EXD3: variants seen among roughly 807,000 people sequenced by gnomAD.
EXD3 encodes exonuclease mut-7 homolog.
A neutral mutation model predicts 98.0 loss-of-function variants in EXD3; 92 were observed. The ratio of observed to expected loss-of-function variants is 0.94; its 90% CI spans 0.79 to 1.12. EXD3 has a LOEUF of 1.12. EXD3 is among the 50% of genes most tolerant of loss of function. The probability of loss-of-function intolerance (pLI) is 0.00; values close to 1 mark genes in which losing one functional copy is unlikely to be tolerated. For synonymous variants in EXD3, 569 were observed against 526.0 expected, an observed-to-expected ratio of 1.08 and a Z score of -1.12; for missense variants, 1,222 against 1,191.6, an observed-to-expected ratio of 1.03 and a Z score of -0.38.
intron 17 of EXD3, among the ~76,000 whole-genome samples, chr9:137,339,288 T>C (rs1405881094): frequency 6.6e-6 from 1 of 152,014 alleles, no homozygotes; most frequent in Non-Finnish European, 1.5e-5. Flanking sequence ...CTTCCCAATG[T>C]ATTTATGAGG....
intron 1 of EXD3, among the ~76,000 whole-genome samples, chr9:137,404,633 G>A (rs751304164): frequency 1.9e-4 from 29 of 152,336 alleles, no homozygotes; most frequent in African/African-American, 4.8e-4. Flanking sequence ...GGCCAAGGCC[G>A]GAGGATCACC....
Position 137,327,498 on chromosome 9 carries a change from G to C in EXD3, c.1999-3355C>G, listed in dbSNP as rs553551904. Among the ~76,000 whole-genome samples, 8 of 152,258 alleles carry C rather than the reference G, an allele frequency of 5.3e-5. No individual in the cohort carries two copies. In the South Asian group the frequency reaches 1.7e-3, roughly 32 times the overall value. Reference sequence around the variant, plus strand: ...GTGGTGGTGATGGATATGTGATACAGTGAATGTGCTAATGCCACTGAATTG... The same window carrying C: ...GTGGTGGTGATGGATATGTGATACACTGAATGTGCTAATGCCACTGAATTG... On this transcript the variant is annotated intron_variant, in intron 17 of 21. Transcript: ENST00000340951.
intron 2 of EXD3, among the ~76,000 whole-genome samples, chr9:137,387,941 C>T (rs1230822852): frequency 6.6e-6 from 1 of 152,216 alleles, no homozygotes; most frequent in East Asian, 1.9e-4. Context: ...GACCTGCAGA[C>T]AGGCAGGTCT....
rs749859416 is a variant in EXD3 at position 137,373,022 on chromosome 9, A to G, written c.345T>C (p.Thr115=). ...QLQARAVKVL[T]ESPPSLAAPL... is the part of the protein sequence containing the mutation. ...GTGCCGCAAGGCTGGGGGGGCTCTC[A>G]GTGAGGACTTTGACCGCTCGGGCCT... Residue 115 remains threonine, a synonymous_variant, in exon 5 of 22, where the codon ACT becomes ACC. Coordinates refer to ENST00000340951, the MANE Select transcript of EXD3 (RefSeq NM_017820.5). The G allele has an allele frequency of 1.2e-6, 2 of 1,604,764 alleles. No individual in the cohort carries two copies. Among genetic ancestry groups the G allele is most frequent in the Non-Finnish European group, 1.7e-6 (2 of 1,178,658 alleles).
chr9:137,331,752 C>A (rs1201195752), intron 17 of EXD3, among the ~76,000 whole-genome samples: 2 of 151,972 alleles, frequency 1.3e-5, no homozygotes, highest in African/African-American at 4.8e-5. Context: ...CCCGTCTCTA[C>A]TAAAAATACA....
rs35481276 is a variant in EXD3 at position 137,403,592 on chromosome 9, CCTT to C, written c.-47-8191_-47-8189del. Reference sequence around the variant, plus strand: ...CGAGCCCCCCAGTTTTCGCCTCTCTCCTTCTCTTTGCCCCTAAGGGGTTTTGCC... The same window carrying C: ...CGAGCCCCCCAGTTTTCGCCTCTCTCCTCTTTGCCCCTAAGGGGTTTTGCC... On this transcript the variant is annotated intron_variant, in intron 1 of 21. Coordinates refer to ENST00000340951, the MANE Select transcript of EXD3 (RefSeq NM_017820.5). This position sits in a 1 kb window ranked among gnomAD's most constrained non-coding sequence, Gnocchi z 6.1. Among the ~76,000 whole-genome samples the C allele has an allele frequency of 0.62, 94,547 of 151,522 alleles. 30,336 individuals are homozygous for C. The highest frequency in any genetic ancestry group is 0.7 in the Non-Finnish European group (47,531 of 67,858).
intron 1 of EXD3, among the ~76,000 whole-genome samples, chr9:137,400,029 CAAAAA>C (rs36029399): frequency 2.7e-5 from 2 of 73,330 alleles, no homozygotes; most frequent in African/African-American, 6.4e-5. Context: ...AACTCCATCT[CAAAAA>C]AAAAAAAAAA....
chr9:137,319,201 C>T (rs1475680154), intron 19 of EXD3, among the ~76,000 whole-genome samples: 2 of 152,240 alleles, frequency 1.3e-5, no homozygotes, highest in African/African-American at 4.8e-5. Context: ...GAGCGTGCCG[C>T]TCTCTGCTGG....
chr9:137,390,725 G>T (rs778585386), intron 2 of EXD3, among the ~76,000 whole-genome samples: 5 of 152,174 alleles, frequency 3.3e-5, no homozygotes, highest in Non-Finnish European at 4.4e-5. Context: ...TCACCCTCAT[G>T]TCACAGCCCG....
In EXD3 at chr9:137,383,181, G is replaced by A. The variant is rs946305259; in HGVS notation, c.120+132C>T. On this transcript the variant is annotated intron_variant, in intron 3 of 21. Coordinates refer to ENST00000340951, the MANE Select transcript of EXD3 (RefSeq NM_017820.5). Reference sequence around the variant, plus strand: ...CTGGAGGCGGTCTGGGGCAGCAGCTGTGCAGGACCCTGTGGCCGTGGGGGG... The same window carrying A: ...CTGGAGGCGGTCTGGGGCAGCAGCTATGCAGGACCCTGTGGCCGTGGGGGG... 13 of 750,602 alleles carry A rather than the reference G, an allele frequency of 1.7e-5. No individual in the cohort carries two copies. In the South Asian group the frequency reaches 1.8e-4, roughly 11 times the overall value. The allele number at this position is 750,602 out of a possible 1,614,324, so 46.5% of individuals were successfully genotyped here. A position where few individuals can be genotyped will look rare whatever the true frequency, so the allele number is the denominator to read the frequency against.
chr9:137,312,032 A>G (rs888175643), intron 19 of EXD3, among the ~76,000 whole-genome samples: 1 of 152,162 alleles, frequency 6.6e-6, no homozygotes, highest in African/African-American at 2.4e-5. Context: ...TTGCTGAGTC[A>G]CAGGGCACTC....
At chr9:137,309,558 G>A (rs758259552) in intron 20 of EXD3, 49 bp downstream of exon 20, 24 of 1,477,640 alleles carry the variant, frequency 1.6e-5, no homozygotes, top group South Asian at 1.5e-4. Context: ...TCAGTAGGTC[G>A]ACCCATCCCA....
At chr9:137,323,901 G>A (rs201925646) in intron 18 of EXD3, 45 bp from the exon 19 acceptor site, 23 of 1,566,958 alleles carry the variant, frequency 1.5e-5, no homozygotes, top group Middle Eastern at 4.0e-4. Context: ...GCAGAGCCCA[G>A]CACCTGCCCA....
chr9:137,386,562 G>A (rs1007223041), intron 2 of EXD3, among the ~76,000 whole-genome samples: 10 of 152,212 alleles, frequency 6.6e-5, no homozygotes, highest in Admixed American at 2.6e-4. Flanking sequence ...CGCGCAACAC[G>A]GCACAGCCCT....
At position 137,395,272 on chromosome 9, in the gene EXD3, G is replaced by A. The variant is rs759914492; in HGVS notation, c.55+31C>T. 1.2e-6 allele frequency: 2 copies of A among 1,603,088 alleles called. No homozygotes were observed. Among genetic ancestry groups the A allele is most frequent in the African/African-American group, 1.3e-5 (1 of 74,578 alleles). On this transcript the variant is annotated intron_variant, in intron 2 of 21. Coordinates refer to ENST00000340951, the MANE Select transcript of EXD3 (RefSeq NM_017820.5). The surrounding 1 kb of genome is among the most constrained non-coding windows in gnomAD (Gnocchi z 6.5). ...CACGCACCTCCCCCCACAGCCCCAGGGAGACTCGGCACCATCAGGCTCAGA... is the reference window on the plus strand; with the variant it reads ...CACGCACCTCCCCCCACAGCCCCAGAGAGACTCGGCACCATCAGGCTCAGA...
At chr9:137,377,664 T>G (rs922496497) in intron 3 of EXD3, among the ~76,000 whole-genome samples, 4 of 148,450 alleles carry the variant, frequency 2.7e-5, no homozygotes, top group African/African-American at 1.0e-4. Flanking sequence ...GAGGTTGCAG[T>G]GAGCTGAGAT....
intron 3 of EXD3, among the ~76,000 whole-genome samples, chr9:137,376,261 G>A (rs989064240): frequency 1.1e-4 from 16 of 149,014 alleles, no homozygotes; most frequent in African/African-American, 3.2e-4. Flanking sequence ...GGAGAATGGC[G>A]TGAACCCAGG....
At chr9:137,367,529 G>A (rs947340384) in intron 6 of EXD3, 1 of 178,380 alleles carries the variant, frequency 5.6e-6, no homozygotes. Context: ...CGAGGACTGT[G>A]TCATCTGTCC....
intron 1 of EXD3, among the ~76,000 whole-genome samples, chr9:137,401,595 A>C (rs550987824): frequency 1.3e-5 from 2 of 152,270 alleles, no homozygotes; most frequent in South Asian, 4.1e-4. Context: ...TCATTTCCTG[A>C]CTTCTGTGGA....
Sources: allele counts gnomAD v4.1 joint callset (sites outside exome capture counted in the v4.1 genomes callset), GRCh38; gene constraint gnomAD v4.1.1; non-coding constraint Gnocchi (gnomAD v3.1); transcripts MANE v1.5; gene names NCBI Gene and HGNC (gene_info 2026-07-23, HGNC 2026-07-21).